The following SIAH3 variants were observed in gnomAD, a reference collection of about 807,000 sequenced individuals.
SIAH3 encodes the protein siah E3 ubiquitin protein ligase family member 3, also known as seven in absentia homolog 3.
In SIAH3, 9 loss-of-function variants were observed where a neutral mutation model predicts 12.6. The ratio of observed to expected loss-of-function variants is 0.72; its 90% CI spans 0.43 to 1.25. The LOEUF is 1.25. Among genes scored for constraint, SIAH3 ranks in the 50% most tolerant of loss-of-function variants. The pLI is 0.00. For missense variants in SIAH3, 390 were observed against 365.4 expected (o/e 1.07, Z -0.55); for synonymous variants, 154 against 151.1 (o/e 1.02, Z -0.14).
chr13:45,825,772 A>T (rs1950672249), intron 1 of SIAH3, among the ~76,000 whole-genome samples: 1 of 152,092 alleles, frequency 6.6e-6, no homozygotes, highest in Admixed American at 6.5e-5. Flanking sequence ...CCCTCATATC[A>T]TACCTGTTCT....
intron 1 of SIAH3, among the ~76,000 whole-genome samples, chr13:45,791,902 A>T (rs1950546825): frequency 6.6e-6 from 1 of 152,152 alleles, no homozygotes; most frequent in South Asian, 2.1e-4. Context: ...CTAAAAAGGA[A>T]GTGCTGTCTC....
At chr13:45,831,228 T>TA (rs1290236568) in intron 1 of SIAH3, among the ~76,000 whole-genome samples, 3 of 148,084 alleles carry the variant, frequency 2.0e-5, no homozygotes, top group Non-Finnish European at 4.5e-5. Context: ...ATAAATAAAA[T>TA]AAAAAAATGA....
intron 1 of SIAH3, among the ~76,000 whole-genome samples, chr13:45,785,461 C>T (rs1296227567): frequency 2.6e-5 from 4 of 152,172 alleles, no homozygotes; most frequent in African/African-American, 7.2e-5. Context: ...TTCTATCTAT[C>T]TCCCCTGACT....
At chr13:45,807,606 G>T (rs1950602449) in intron 1 of SIAH3, among the ~76,000 whole-genome samples, 1 of 152,160 alleles carries the variant, frequency 6.6e-6, no homozygotes, top group Admixed American at 6.5e-5. Context: ...GTCTAGAGAG[G>T]CATAGAAGCA....
chr13:45,795,323 C>T (rs1950558874), intron 1 of SIAH3, among the ~76,000 whole-genome samples: 1 of 152,194 alleles, frequency 6.6e-6, no homozygotes, highest in Non-Finnish European at 1.5e-5. Flanking sequence ...TTTATGTGAA[C>T]AGCATCTCAG....
chr13:45,795,262 T>TA (rs1859530602), intron 1 of SIAH3, among the ~76,000 whole-genome samples: 1 of 152,184 alleles, frequency 6.6e-6, no homozygotes, highest in African/African-American at 2.4e-5. Flanking sequence ...CTCCCAGAGA[T>TA]ACACAAAGAA....
intron 1 of SIAH3, among the ~76,000 whole-genome samples, chr13:45,827,122 T>C (rs1219813531): frequency 6.6e-6 from 1 of 152,242 alleles, no homozygotes; most frequent in Non-Finnish European, 1.5e-5. Context: ...TCTTGACAGT[T>C]CTGATGCCTG....
chr13:45,800,288 A>G (rs1339650640), intron 1 of SIAH3, among the ~76,000 whole-genome samples: 1 of 152,158 alleles, frequency 6.6e-6, no homozygotes, highest in Non-Finnish European at 1.5e-5. Flanking sequence ...GTAGCTGAAC[A>G]CCATTATTTT....
chr13:45,820,139 C>T (rs564204504), intron 1 of SIAH3, among the ~76,000 whole-genome samples: 1 of 152,332 alleles, frequency 6.6e-6, no homozygotes, highest in African/African-American at 2.4e-5. Flanking sequence ...GGCCCCACCT[C>T]TTAATACCAT....
At chr13:45,816,209 G>T (rs1950633871) in intron 1 of SIAH3, among the ~76,000 whole-genome samples, 1 of 152,210 alleles carries the variant, frequency 6.6e-6, no homozygotes, top group African/African-American at 2.4e-5. Context: ...TGATGTATCT[G>T]TTTTGTGCCA....
At position 45,781,157 on chromosome 13, in the gene SIAH3, C is replaced by G. The variant is rs1214812262; in HGVS notation, c.*2226G>C. On this transcript the variant is annotated 3_prime_UTR_variant, in exon 2 of 2. Transcript: ENST00000400405. ...TAACCTGAAGTCATTCCCAGTGTGG[C>G]TCAGGTAACTTGGCACAACCAGAAG... 1 of 152,646 alleles carries G rather than the reference C, an allele frequency of 6.6e-6. No individual in the cohort carries two copies. Among genetic ancestry groups the G allele is most frequent in the Non-Finnish European group, 1.5e-5 (1 of 68,050 alleles). The allele number at this position is 152,646 out of a possible 1,614,324, so 9.5% of individuals were successfully genotyped here.
At chr13:45,810,734 A>G (rs1458551649) in intron 1 of SIAH3, among the ~76,000 whole-genome samples, 1 of 152,202 alleles carries the variant, frequency 6.6e-6, no homozygotes, top group African/African-American at 2.4e-5. Flanking sequence ...TTGGCTCTGC[A>G]TTGTCGCTGC....
chr13:45,815,197 T>C (rs1950630032), intron 1 of SIAH3, among the ~76,000 whole-genome samples: 1 of 151,988 alleles, frequency 6.6e-6, no homozygotes, highest in Non-Finnish European at 1.5e-5. Flanking sequence ...GGCTAGGCCA[T>C]GGTACCCAGA....
rs59362588 is a variant in SIAH3, at chr13:45,790,883, G to GA, written c.136-6827dup. 2.2e-3 allele frequency among the ~76,000 whole-genome samples: 333 copies of GA among 152,260 alleles called. 2 individuals carry two copies. The highest frequency in any genetic ancestry group is 6.9e-3 in the African/African-American group (286 of 41,554). ...CTCACTACTTATTTCAACTTGCATT[G>GA]AAAAATCACTAGTTATGGCCAGGTG... is the stretch of plus-strand genomic sequence containing the variant. On this transcript the variant is annotated intron_variant, in intron 1 of 1. Transcript: ENST00000400405.
chr13:45,795,776 C>T (rs867717391), intron 1 of SIAH3, among the ~76,000 whole-genome samples: 2 of 152,154 alleles, frequency 1.3e-5, no homozygotes, highest in African/African-American at 2.4e-5. Flanking sequence ...AAAACCTGCA[C>T]ACGAATGTTT....
Position 45,781,211 on chromosome 13 carries a change from G to C in SIAH3, c.*2172C>G, listed in dbSNP as rs951073363. The C allele has an allele frequency of 6.6e-6, 1 of 152,634 alleles. No individual in the cohort carries two copies. The highest frequency in any genetic ancestry group is 1.5e-5 in the Non-Finnish European group (1 of 68,044). The allele number at this position is 152,634 out of a possible 1,614,324, so 9.5% of individuals were successfully genotyped here. A position where few individuals can be genotyped will look rare whatever the true frequency, so the allele number is the denominator to read the frequency against. The stretch of plus-strand genomic sequence containing the variant: ...AAGGTGATGTCTGCAGGAGCCCTAA[G>C]GCCCTGTGAATGTTAGTTATATTCT... On this transcript the variant is annotated 3_prime_UTR_variant, in exon 2 of 2. Transcript: ENST00000400405.
At chr13:45,819,760 G>A (rs1593383123) in intron 1 of SIAH3, among the ~76,000 whole-genome samples, 2 of 152,128 alleles carry the variant, frequency 1.3e-5, no homozygotes. Flanking sequence ...ACATCACTTC[G>A]GGGACCTAGT....
chr13:45,846,106 T>TTTTTG (rs1950759221), intron 1 of SIAH3, among the ~76,000 whole-genome samples: 1 of 147,996 alleles, frequency 6.8e-6, no homozygotes, highest in Non-Finnish European at 1.5e-5. Context: ...TTTTTTTTTT[T>TTTTTG]GAGACGGAGT....
intron 1 of SIAH3, among the ~76,000 whole-genome samples, chr13:45,851,092 C>G (rs1246708393): frequency 1.3e-5 from 2 of 150,470 alleles, no homozygotes; most frequent in African/African-American, 4.9e-5. Flanking sequence ...GACCACCTCT[C>G]CCAACACATG....
Sources: allele counts gnomAD v4.1 joint callset (sites outside exome capture counted in the v4.1 genomes callset), GRCh38; gene constraint gnomAD v4.1.1; transcripts MANE v1.5; gene names NCBI Gene and HGNC (gene_info 2026-07-23, HGNC 2026-07-21).